RALYL: variants seen among roughly 807,000 people sequenced by gnomAD.
RALYL encodes RNA-binding Raly-like protein.
In RALYL, 29 loss-of-function variants were observed where a neutral mutation model predicts 35.1. The ratio of observed to expected loss-of-function variants is 0.83; its 90% CI spans 0.61 to 1.13. RALYL has a LOEUF of 1.13. Ranked by LOEUF, RALYL falls within the 50% of genes most tolerant of loss-of-function variation. The probability of loss-of-function intolerance (pLI) is 0.00; values close to 1 mark genes in which losing one functional copy is unlikely to be tolerated. For missense variants in RALYL, 359 were observed against 360.4 expected, an observed-to-expected ratio of 1.00 and a Z score of 0.03; for synonymous variants, 120 against 127.6, an observed-to-expected ratio of 0.94 and a Z score of 0.40.
intron 2 of RALYL, among the ~76,000 whole-genome samples, chr8:84,540,306 A>T (rs2059935686): frequency 6.7e-6 from 1 of 148,616 alleles, no homozygotes; most frequent in Admixed American, 6.7e-5. Context: ...ATTGTTTATC[A>T]TAGGATTTGT....
intron 7 of RALYL, among the ~76,000 whole-genome samples, chr8:84,886,483 T>G (rs1025219922): frequency 3.9e-5 from 6 of 152,088 alleles, no homozygotes; most frequent in Admixed American, 3.9e-4. Context: ...AGATAAAAAA[T>G]TAGGCTATTT....
At chr8:84,493,753 T>C (rs997158777) in intron 1 of RALYL, among the ~76,000 whole-genome samples, 1 of 151,480 alleles carries the variant, frequency 6.6e-6, no homozygotes, top group African/African-American at 2.4e-5. Context: ...CTTTGCCCAC[T>C]TTTTTTTTCT....
chr8:84,847,937 T>A (rs1391097448), intron 4 of RALYL, among the ~76,000 whole-genome samples: 2 of 152,190 alleles, frequency 1.3e-5, no homozygotes, highest in Admixed American at 6.5e-5. Flanking sequence ...TTTCACCCTC[T>A]ATGTAAGAGC....
intron 2 of RALYL, among the ~76,000 whole-genome samples, chr8:84,571,233 A>G (rs936219060): frequency 2.0e-5 from 3 of 151,808 alleles, no homozygotes; most frequent in African/African-American, 7.2e-5. Context: ...CTATGAATCC[A>G]TCTGGTCCTG....
At chr8:84,822,881 T>C (rs988290534) in intron 4 of RALYL, among the ~76,000 whole-genome samples, 1 of 152,176 alleles carries the variant, frequency 6.6e-6, no homozygotes, top group African/African-American at 2.4e-5. Flanking sequence ...AGTATCTTTA[T>C]TGTTATTTTT....
intron 2 of RALYL, among the ~76,000 whole-genome samples, chr8:84,699,834 GA>G (rs1404881419): frequency 6.6e-6 from 1 of 152,068 alleles, no homozygotes; most frequent in Non-Finnish European, 1.5e-5. Flanking sequence ...TTAGGTTCAG[GA>G]TTATTTTACG....
At chr8:84,617,454 C>G (rs1231165430) in intron 2 of RALYL, among the ~76,000 whole-genome samples, 1,925 of 148,798 alleles carry the variant, frequency 0.013, 67 homozygotes, top group African/African-American at 0.047. Flanking sequence ...TATCCTGAGA[C>G]TTTGCTGAAG....
At chr8:84,372,900 T>TTTG (rs1856148423) in intron 1 of RALYL, among the ~76,000 whole-genome samples, 4 of 130,430 alleles carry the variant, frequency 3.1e-5, no homozygotes, top group African/African-American at 8.9e-5. Context: ...TTTTTTTTTT[T>TTTG]TTTTTTTTTT....
chr8:84,298,989 AC>A (rs1840280051), intron 1 of RALYL, among the ~76,000 whole-genome samples: 1 of 151,952 alleles, frequency 6.6e-6, no homozygotes, highest in African/African-American at 2.4e-5. Context: ...TAGGTATAAA[AC>A]CATAATAATC....
intron 1 of RALYL, among the ~76,000 whole-genome samples, chr8:84,288,201 C>A (rs1348521591): frequency 6.6e-6 from 1 of 150,982 alleles, no homozygotes; most frequent in Non-Finnish European, 1.5e-5. Context: ...TGTTTTTTTT[C>A]TGTGCCTTAG....
chr8:84,455,087 T>A (rs1362793500), intron 1 of RALYL, among the ~76,000 whole-genome samples: 1 of 152,020 alleles, frequency 6.6e-6, no homozygotes, highest in African/African-American at 2.4e-5. Flanking sequence ...AGCCAGGCGC[T>A]GCACAGAATT....
At chr8:84,844,018 G>T (rs1040505038) in intron 4 of RALYL, among the ~76,000 whole-genome samples, 6 of 152,116 alleles carry the variant, frequency 3.9e-5, no homozygotes, top group Non-Finnish European at 7.4e-5. Flanking sequence ...AAAAACCCTA[G>T]GAGAAAACCT....
chr8:84,353,980 G>A (rs1381300628), intron 1 of RALYL, among the ~76,000 whole-genome samples: 1 of 149,790 alleles, frequency 6.7e-6, no homozygotes, highest in Admixed American at 6.6e-5. Flanking sequence ...AAAGTCTGGA[G>A]TTGTTGTCAA....
chr8:84,825,092 A>C (rs746448128), intron 4 of RALYL, among the ~76,000 whole-genome samples: 13 of 152,168 alleles, frequency 8.5e-5, no homozygotes, highest in Non-Finnish European at 1.9e-4. Context: ...AAATATTCAC[A>C]AACTATATAT....
intron 2 of RALYL, among the ~76,000 whole-genome samples, chr8:84,538,403 G>C (rs753859979): frequency 6.6e-6 from 1 of 152,084 alleles, no homozygotes; most frequent in Non-Finnish European, 1.5e-5. Flanking sequence ...AGTGTCTCAA[G>C]TTATCCTTTA....
At chr8:84,449,682 T>C (rs2049241455) in intron 1 of RALYL, among the ~76,000 whole-genome samples, 1 of 152,028 alleles carries the variant, frequency 6.6e-6, no homozygotes, top group Non-Finnish European at 1.5e-5. Context: ...TTAGTAAATC[T>C]CAACTGAGAA....
At chr8:84,283,156 A>AGTTGTTATGTATAAAT (rs1184646134) in intron 1 of RALYL, among the ~76,000 whole-genome samples, 12 of 152,122 alleles carry the variant, frequency 7.9e-5, no homozygotes, top group Non-Finnish European at 1.2e-4. Flanking sequence ...GATGTATAAG[A>AGTTGTTATGTATAAAT]GTTGTTATGT....
At chr8:84,790,253 C>G (rs1586279646) in intron 3 of RALYL, among the ~76,000 whole-genome samples, 1 of 152,300 alleles carries the variant, frequency 6.6e-6, no homozygotes, top group East Asian at 1.9e-4. Flanking sequence ...AACTTAAGAG[C>G]CAAGACAGCC....
chr8:84,460,110 G>A (rs569550358), intron 1 of RALYL, among the ~76,000 whole-genome samples: 3 of 151,804 alleles, frequency 2.0e-5, no homozygotes, highest in African/African-American at 7.2e-5. Flanking sequence ...ATACCTGGAG[G>A]TTATACACAC....
Sources: allele counts gnomAD v4.1 joint callset (sites outside exome capture counted in the v4.1 genomes callset), GRCh38; gene constraint gnomAD v4.1.1; transcripts MANE v1.5; gene names NCBI Gene and HGNC (gene_info 2026-07-23, HGNC 2026-07-21).